The following CSMD1 variants were observed in gnomAD, a reference collection of about 807,000 sequenced individuals.
CSMD1 encodes CUB and Sushi multiple domains 1, also known as CUB and sushi domain-containing protein 1.
In CSMD1, 213 loss-of-function variants were observed where a neutral mutation model predicts 417.5. The observed-to-expected ratio is 0.51, with a 90% confidence interval of 0.46 to 0.57. The LOEUF is 0.57. Ranked by LOEUF, CSMD1 falls within the 20% of genes least tolerant of loss-of-function variation. The pLI is 0.00. For synonymous variants in CSMD1, 2,862 were observed against 1,736.8 expected, an observed-to-expected ratio of 1.65 and a Z score of -16.11; for missense variants, 6,923 against 4,529.7, an observed-to-expected ratio of 1.53 and a Z score of -15.17.
At chr8:4,072,964 G>A (rs538605821) in intron 3 of CSMD1, among the ~76,000 whole-genome samples, 4 of 152,208 alleles carry the variant, frequency 2.6e-5, no homozygotes, top group South Asian at 2.1e-4. Flanking sequence ...AATTTTGCTC[G>A]TGACATCAGA....
Position 2,998,132 on chromosome 8 carries a change from A to G in CSMD1, c.8256T>C (p.Ser2752=), listed in dbSNP as rs756525355. 2 of 1,613,976 alleles carry G rather than the reference A, an allele frequency of 1.2e-6. No homozygotes were observed. The highest frequency in any genetic ancestry group is 1.1e-5 in the South Asian group (1 of 91,082). The change falls in exon 54 of 70, where the codon AGT becomes AGC. Residue 2752 remains serine, a synonymous_variant. Coordinates refer to ENST00000635120, the MANE Select transcript of CSMD1 (RefSeq NM_033225.6). The part of the protein sequence containing the change: ...GNPAHGFTNG[S]EFNLNDVVNF... ...TCACGACATCATTCAGGTTGAACTCACTGCCATTAGTGAATCCGTGGGCAG... is the reference window on the plus strand; with the variant it reads ...TCACGACATCATTCAGGTTGAACTCGCTGCCATTAGTGAATCCGTGGGCAG...
intron 3 of CSMD1, among the ~76,000 whole-genome samples, chr8:4,398,849 T>A (rs555295770): frequency 3.3e-5 from 5 of 152,222 alleles, no homozygotes; most frequent in Non-Finnish European, 7.3e-5. Context: ...TTATGTCTAA[T>A]TGAAACTTTT....
chr8:3,410,407 C>T (rs529184387), intron 12 of CSMD1, among the ~76,000 whole-genome samples: 116 of 152,260 alleles, frequency 7.6e-4, no homozygotes, highest in African/African-American at 2.7e-3. Flanking sequence ...TTGAATCCCA[C>T]GTGTTGTGGC....
At chr8:3,235,875 C>T (rs544833819) in intron 26 of CSMD1, among the ~76,000 whole-genome samples, 57 of 149,506 alleles carry the variant, frequency 3.8e-4, no homozygotes, top group Non-Finnish European at 5.8e-4. Flanking sequence ...ACTGCATCTA[C>T]ATAATTAGCT....
chr8:3,291,597 T>C (rs36061141), intron 25 of CSMD1, among the ~76,000 whole-genome samples: 26,440 of 152,176 alleles, frequency 0.17, 2,882 homozygotes, highest in Non-Finnish European at 0.25. Flanking sequence ...TTTCTAGATA[T>C]TCTAGTTTAT....
At chr8:4,207,585 T>G (rs188711165) in intron 3 of CSMD1, among the ~76,000 whole-genome samples, 161 of 152,186 alleles carry the variant, frequency 1.1e-3, no homozygotes, top group Non-Finnish European at 1.9e-3. Flanking sequence ...AACTGAAATA[T>G]TAGGTTTAAT....
chr8:3,885,609 G>T (rs1469217763), intron 5 of CSMD1, among the ~76,000 whole-genome samples: 2 of 152,124 alleles, frequency 1.3e-5, no homozygotes, highest in African/African-American at 2.4e-5. Flanking sequence ...CGGCTATGAT[G>T]AGCGTCTGCT....
intron 5 of CSMD1, among the ~76,000 whole-genome samples, chr8:3,779,751 G>C (rs751390463): frequency 2.0e-5 from 3 of 152,134 alleles, no homozygotes; most frequent in Non-Finnish European, 4.4e-5. Flanking sequence ...TAAGTTATTT[G>C]AAAGAGATCC....
At chr8:4,455,622 A>G (rs532276939) in intron 2 of CSMD1, among the ~76,000 whole-genome samples, 3 of 151,970 alleles carry the variant, frequency 2.0e-5, no homozygotes, top group Non-Finnish European at 4.4e-5. Context: ...TTTCTCTTTC[A>G]GGAGGAAAAA....
intron 2 of CSMD1, among the ~76,000 whole-genome samples, chr8:4,439,119 A>C (rs1798316778): frequency 6.6e-6 from 1 of 152,174 alleles, no homozygotes; most frequent in Non-Finnish European, 1.5e-5. Context: ...CAATCAAATC[A>C]ATTAATCATC....
intron 5 of CSMD1, among the ~76,000 whole-genome samples, chr8:3,767,567 C>T (rs1016435542): frequency 1.3e-5 from 2 of 152,202 alleles, no homozygotes; most frequent in African/African-American, 2.4e-5. Context: ...TGATTGCTGA[C>T]CTTATCCAAA....
chr8:4,311,957 T>G (rs537828995), intron 3 of CSMD1, among the ~76,000 whole-genome samples: 1 of 152,026 alleles, frequency 6.6e-6, no homozygotes, highest in East Asian at 1.9e-4. Flanking sequence ...TCCCTAAACC[T>G]GAAACTTAGA....
At chr8:3,727,223 G>A (rs1178517641) in intron 6 of CSMD1, among the ~76,000 whole-genome samples, 12 of 152,140 alleles carry the variant, frequency 7.9e-5, no homozygotes, top group South Asian at 2.1e-4. Flanking sequence ...TCAAAGTTGC[G>A]TTTGACAATT....
intron 12 of CSMD1, among the ~76,000 whole-genome samples, chr8:3,453,297 G>C (rs905621002): frequency 1.3e-5 from 2 of 151,818 alleles, no homozygotes; most frequent in East Asian, 1.9e-4. Context: ...AGGGTTTTTT[G>C]TGTCTCTATT....
chr8:3,999,180 C>G (rs920004638), intron 4 of CSMD1, among the ~76,000 whole-genome samples: 8 of 151,714 alleles, frequency 5.3e-5, no homozygotes, highest in African/African-American at 1.7e-4. Flanking sequence ...TTTCTTTCCT[C>G]AAATACTTCC....
intron 7 of CSMD1, among the ~76,000 whole-genome samples, chr8:3,645,522 T>G (rs1797531638): frequency 6.6e-6 from 1 of 152,058 alleles, no homozygotes; most frequent in African/African-American, 2.4e-5. Context: ...GGGGAGGATG[T>G]GTGGTCAGAG....
intron 8 of CSMD1, among the ~76,000 whole-genome samples, chr8:3,616,225 G>C (rs142531147): frequency 2.6e-5 from 4 of 152,162 alleles, no homozygotes; most frequent in African/African-American, 9.7e-5. Flanking sequence ...GGGAGGGACC[G>C]GTGAGAGGCA....
At chr8:4,152,456 C>T (rs956195539) in intron 3 of CSMD1, among the ~76,000 whole-genome samples, 2 of 151,482 alleles carry the variant, frequency 1.3e-5, no homozygotes, top group Non-Finnish European at 2.9e-5. Context: ...AAGTGGCTTG[C>T]TTGAGCCCAG....
At chr8:4,217,741 G>A (rs559331217) in intron 3 of CSMD1, among the ~76,000 whole-genome samples, 19 of 152,106 alleles carry the variant, frequency 1.2e-4, no homozygotes, top group African/African-American at 3.4e-4. Flanking sequence ...TATACTCTAC[G>A]GTGTTATAGG....
Sources: gnomAD v4.1 joint callset for allele counts (sites outside exome capture counted in the v4.1 genomes callset) on GRCh38, gnomAD v4.1.1 for gene constraint, MANE v1.5 for transcripts, NCBI Gene and HGNC (gene_info 2026-07-23, HGNC 2026-07-21) for gene names.